Variants in PIEZO2 observed in about 807,000 individuals in gnomAD.
PIEZO2 encodes piezo-type mechanosensitive ion channel component 2.
Under a neutral mutation model 337.3 loss-of-function variants are expected in PIEZO2, and 172 were observed. The ratio of observed to expected loss-of-function variants is 0.51; its 90% CI spans 0.45 to 0.58. PIEZO2 has a LOEUF of 0.58. PIEZO2 is among the 20% of genes least tolerant of loss of function. The probability of loss-of-function intolerance (pLI) is 0.00; values close to 1 mark genes in which losing one functional copy is unlikely to be tolerated. For missense variants in PIEZO2, 3,028 were observed against 3,391.3 expected, an observed-to-expected ratio of 0.89 and a Z score of 2.66; for synonymous variants, 1,251 against 1,228.5, an observed-to-expected ratio of 1.02 and a Z score of -0.38.
At chr18:10,927,060 C>CCTGGGTCACACGCG (rs2031785518) in intron 3 of PIEZO2, among the ~76,000 whole-genome samples, 2 of 152,164 alleles carry the variant, frequency 1.3e-5, no homozygotes. Flanking sequence ...AGGAGCCTTG[C>CCTGGGTCACACGCG]GTTTCTGACC....
chr18:10,779,065 CTGT>C (rs1214806006), intron 18 of PIEZO2, among the ~76,000 whole-genome samples: 7 of 152,188 alleles, frequency 4.6e-5, no homozygotes, highest in Admixed American at 4.6e-4. Flanking sequence ...GCTGAAAAAC[CTGT>C]TGTTGATGTT....
intron 3 of PIEZO2, among the ~76,000 whole-genome samples, chr18:10,964,716 A>C (rs2033929504): frequency 6.6e-6 from 1 of 152,170 alleles, no homozygotes; most frequent in East Asian, 1.9e-4. Flanking sequence ...CACCATCATC[A>C]ATCCAGAGAA....
At chr18:11,147,665 C>G (rs551925565) in intron 1 of PIEZO2, among the ~76,000 whole-genome samples, 1 of 152,312 alleles carries the variant, frequency 6.6e-6, no homozygotes, top group South Asian at 2.1e-4. Flanking sequence ...GGCATTCTTA[C>G]GAGAGGAATT....
Position 10,783,910 on chromosome 18 carries a change from T to A in PIEZO2, c.2492+874A>T, listed in dbSNP as rs2039119463. Among the ~76,000 whole-genome samples, 1 of 152,256 alleles carries A rather than the reference T, an allele frequency of 6.6e-6. No homozygotes were observed. Among genetic ancestry groups the A allele is most frequent in the African/African-American group, 2.4e-5 (1 of 41,472 alleles). The stretch of plus-strand genomic sequence containing the variant: ...TTACGAAATGCATATCATGAACTCC[T>A]ACTTCATCTTCTATTGATACCTGCA... On this transcript the variant is annotated intron_variant, in intron 17 of 55. Coordinates refer to ENST00000674853, the MANE Select transcript of PIEZO2 (RefSeq NM_001378183.1). This position sits in a 1 kb window ranked among gnomAD's most constrained non-coding sequence, Gnocchi z 4.3.
chr18:10,725,148 G>C (rs921884342), intron 36 of PIEZO2: 2 of 1,463,522 alleles, frequency 1.4e-6, no homozygotes, highest in Non-Finnish European at 1.9e-6. Context: ...TGGCTGTGCT[G>C]AAGTACTGCG....
At position 11,102,699 on chromosome 18, in the gene PIEZO2, AATTGCAGACTG is replaced by A. The variant is rs2146100661; in HGVS notation, c.65-36488_65-36478del. On this transcript the variant is annotated intron_variant, in intron 1 of 55. Coordinates refer to ENST00000674853, the MANE Select transcript of PIEZO2 (RefSeq NM_001378183.1). The surrounding 1 kb of genome is among the most constrained non-coding windows in gnomAD (Gnocchi z 5.7). Reference sequence around the variant, plus strand: ...AGAGGGAAAGGCACTGCCCCCTTCCAATTGCAGACTGATTCCCCTCTGCCCATGATTCTCCT... The same window carrying A: ...AGAGGGAAAGGCACTGCCCCCTTCCAATTCCCCTCTGCCCATGATTCTCCT... Among the ~76,000 whole-genome samples the A allele has an allele frequency of 6.6e-6, 1 of 152,226 alleles. No individual in the cohort carries two copies. The highest frequency in any genetic ancestry group is 1.5e-5 in the Non-Finnish European group (1 of 68,002).
In PIEZO2 at chr18:10,833,998, T is replaced by G. The variant is rs966793051; in HGVS notation, c.917+21355A>C. On this transcript the variant is annotated intron_variant, in intron 7 of 55. Coordinates refer to ENST00000674853, the MANE Select transcript of PIEZO2 (RefSeq NM_001378183.1). This position sits in a 1 kb window ranked among gnomAD's most constrained non-coding sequence, Gnocchi z 4.7. ...AATACAGGCTTCAGAATTAGAGTTT[T>G]AAACATTTTAAGCTAATTTCTGTTT... 2.0e-5 allele frequency among the ~76,000 whole-genome samples: 3 copies of G among 152,228 alleles called. No homozygotes were observed. The highest frequency in any genetic ancestry group is 2.9e-5 in the Non-Finnish European group (2 of 68,034).
At chr18:11,079,584 C>T (rs1598926721) in intron 1 of PIEZO2, among the ~76,000 whole-genome samples, 1 of 152,148 alleles carries the variant, frequency 6.6e-6, no homozygotes, top group African/African-American at 2.4e-5. Context: ...TGTTCATTAC[C>T]GATTACTCCA....
At position 10,951,387 on chromosome 18, in the gene PIEZO2, A is replaced by T. The variant is rs1161541447; in HGVS notation, c.286+28148T>A. ...TAAGTTGAGGGATTCATCTCTACAT[A>T]TTTTATTTAACTTTGACAAGTCTCT... On this transcript the variant is annotated intron_variant, in intron 3 of 55. Coordinates refer to ENST00000674853, the MANE Select transcript of PIEZO2 (RefSeq NM_001378183.1). 7.9e-5 allele frequency among the ~76,000 whole-genome samples: 12 copies of T among 152,260 alleles called. No homozygotes were observed. The South Asian group carries it at 2.3e-3, about 29-fold the overall frequency.
intron 3 of PIEZO2, among the ~76,000 whole-genome samples, chr18:10,917,061 C>T (rs1217654284): frequency 1.3e-5 from 2 of 152,136 alleles, no homozygotes; most frequent in Non-Finnish European, 2.9e-5. Context: ...GAGAATTCTC[C>T]TGTGTTGATT....
rs535425247 is a variant in PIEZO2 at position 11,143,035 on chromosome 18, C to T, written c.64+5490G>A. On this transcript the variant is annotated intron_variant, in intron 1 of 55. Transcript: ENST00000674853. This position sits in a 1 kb window ranked among gnomAD's most constrained non-coding sequence, Gnocchi z 4.9. ...CGGAGCTTGCAGTGAGCCAAGATCA[C>T]GCCACTGCACTCCAGCCTGGGTGAC... 1.8e-4 allele frequency among the ~76,000 whole-genome samples: 27 copies of T among 151,992 alleles called. No individual in the cohort carries two copies. Among genetic ancestry groups the T allele is most frequent in the African/African-American group, 5.5e-4 (23 of 41,446 alleles).
Position 11,101,579 on chromosome 18 carries a change from T to C in PIEZO2, c.65-35357A>G, listed in dbSNP as rs560049465. Among the ~76,000 whole-genome samples the C allele has an allele frequency of 1.3e-5, 2 of 152,346 alleles. No homozygotes were observed. Among genetic ancestry groups the C allele is most frequent in the African/African-American group, 4.8e-5 (2 of 41,588 alleles). ...TAAAAGACGTTCCAGTGTAGAGGTG[T>C]TGAAATTTTTAAGTGAGAAAACATG... On this transcript the variant is annotated intron_variant, in intron 1 of 55. Transcript: ENST00000674853. This position sits in a 1 kb window ranked among gnomAD's most constrained non-coding sequence, Gnocchi z 4.4.
intron 3 of PIEZO2, among the ~76,000 whole-genome samples, chr18:10,936,168 C>T (rs1219337368): frequency 6.6e-6 from 1 of 152,182 alleles, no homozygotes; most frequent in African/African-American, 2.4e-5. Flanking sequence ...GTTTCTAGAA[C>T]TAAATGTGAT....
chr18:11,098,607 C>T (rs945351010), intron 1 of PIEZO2, among the ~76,000 whole-genome samples: 1 of 149,876 alleles, frequency 6.7e-6, no homozygotes, highest in Non-Finnish European at 1.5e-5. Context: ...GAGGTGGGGC[C>T]TAATGGGAGG....
rs1316924023 is a variant in PIEZO2, at chr18:10,789,382, G to A, written c.1883-17C>T. ...GTTCCTCATCTTCAAATAGAAAACT[G>A]TGCTGTTATACTTAGCTGGTTATCT... On this transcript the variant is annotated splice_polypyrimidine_tract_variant and intron_variant, in intron 14 of 55. Coordinates refer to ENST00000674853, the MANE Select transcript of PIEZO2 (RefSeq NM_001378183.1). 6 of 1,528,596 alleles carry A rather than the reference G, an allele frequency of 3.9e-6. No homozygotes were observed. The highest frequency in any genetic ancestry group is 5.2e-6 in the Non-Finnish European group (6 of 1,143,026). The allele number at this position is 1,528,596 out of a possible 1,614,324, so 94.7% of individuals were successfully genotyped here. A position where few individuals can be genotyped will look rare whatever the true frequency, so the allele number is the denominator to read the frequency against.
rs2039707548 is a variant in PIEZO2, at chr18:11,110,770, G to A, written c.64+37755C>T. Among the ~76,000 whole-genome samples, 1 of 147,918 alleles carries A rather than the reference G, an allele frequency of 6.8e-6. No homozygotes were observed. The highest frequency in any genetic ancestry group is 2.1e-4 in the South Asian group (1 of 4,722). On this transcript the variant is annotated intron_variant, in intron 1 of 55. Coordinates refer to ENST00000674853, the MANE Select transcript of PIEZO2 (RefSeq NM_001378183.1). The surrounding 1 kb of genome is among the most constrained non-coding windows in gnomAD (Gnocchi z 4.2). ...CGTCAAGCTGATGGCAGGCAGCTCTGGCCCACGTGTGCGTTTCCTTTGGAA... is the reference window on the plus strand; with the variant it reads ...CGTCAAGCTGATGGCAGGCAGCTCTAGCCCACGTGTGCGTTTCCTTTGGAA...
intron 4 of PIEZO2, among the ~76,000 whole-genome samples, chr18:10,896,123 T>C (rs2042895692): frequency 6.7e-6 from 1 of 148,980 alleles, no homozygotes; most frequent in African/African-American, 2.5e-5. Flanking sequence ...CTTAGGCCAA[T>C]GTGCAGATGA....
intron 41 of PIEZO2, 139 bp downstream of exon 41, chr18:10,705,197 A>C (rs2035524782): frequency 1.8e-6 from 2 of 1,139,814 alleles, no homozygotes; most frequent in African/African-American, 3.1e-5. Flanking sequence ...CAGTGCAAGA[A>C]GTCTTGGAAT....
intron 2 of PIEZO2, among the ~76,000 whole-genome samples, chr18:11,034,080 TG>T (rs2036835200): frequency 6.6e-6 from 1 of 152,188 alleles, no homozygotes; most frequent in South Asian, 2.1e-4. Context: ...ATGCTGTGTG[TG>T]CGAATTCCCA....
Sources: allele counts gnomAD v4.1 joint callset (sites outside exome capture counted in the v4.1 genomes callset), GRCh38; gene constraint gnomAD v4.1.1; non-coding constraint Gnocchi (gnomAD v3.1); transcripts MANE v1.5; gene names NCBI Gene and HGNC (gene_info 2026-07-23, HGNC 2026-07-21).